PLEKHA6: variants seen among roughly 807,000 people sequenced by gnomAD.
The protein encoded by PLEKHA6 is pleckstrin homology domain containing A6, also known as pleckstrin homology domain-containing family A member 6.
Under a neutral mutation model 116.7 loss-of-function variants are expected in PLEKHA6, and 60 were observed. That is an observed-to-expected ratio of 0.51 (90% CI 0.42 to 0.64). The LOEUF (loss-of-function observed/expected upper bound fraction) is 0.64. Ranked by LOEUF, PLEKHA6 falls within the 30% of genes least tolerant of loss-of-function variation. PLEKHA6 has a pLI of 0.00. For synonymous variants in PLEKHA6, 489 were observed against 556.1 expected, an observed-to-expected ratio of 0.88 and a Z score of 1.70; for missense variants, 1,338 against 1,422.7, an observed-to-expected ratio of 0.94 and a Z score of 0.96.
rs1022517779 is a variant in PLEKHA6, at chr1:204,359,652, C to T, written c.-95+42G>A. On this transcript the variant is annotated intron_variant, in intron 1 of 22. Coordinates refer to ENST00000272203, the MANE Select transcript of PLEKHA6 (RefSeq NM_014935.5). ...CAGCCCTGACCAGAGCCCAGCCTTC[C>T]TCCTCCCACCTCATCTATGTGATGC... 6 of 984,646 alleles carry T rather than the reference C, an allele frequency of 6.1e-6. No individual in the cohort carries two copies. The African/African-American group carries it at 1.0e-4, about 17-fold the overall frequency. The allele number at this position is 984,646 out of a possible 1,614,324, so 61.0% of individuals were successfully genotyped here.
chr1:204,257,321 G>A lies in PLEKHA6; in HGVS notation c.1524+32C>T. Reference sequence around the variant, plus strand: ...TCTTAGGCTTCTGGGGACCTCAGGGGATGAGGAAGGAAGGGCAGGCTGGTG... The same window carrying A: ...TCTTAGGCTTCTGGGGACCTCAGGGAATGAGGAAGGAAGGGCAGGCTGGTG... On this transcript the variant is annotated intron_variant, in intron 9 of 22. Transcript: ENST00000272203. The surrounding 1 kb of genome is among the most constrained non-coding windows in gnomAD (Gnocchi z 6.5). The A allele has an allele frequency of 6.5e-7, 1 of 1,546,450 alleles. No individual in the cohort carries two copies. The highest frequency in any genetic ancestry group is 8.8e-7 in the Non-Finnish European group (1 of 1,141,736).
At chr1:204,296,969 T>C in intron 1 of PLEKHA6, 1 of 249,968 alleles carries the variant, frequency 4.0e-6, no homozygotes, top group Non-Finnish European at 6.4e-6. Flanking sequence ...TTATGCAATT[T>C]GACCTGAAGA....
chr1:204,320,017 T>C (rs1351261625), intron 1 of PLEKHA6, among the ~76,000 whole-genome samples: 1 of 152,134 alleles, frequency 6.6e-6, no homozygotes. Context: ...CCATCTGGGA[T>C]ATCACTAGAG....
intron 1 of PLEKHA6, among the ~76,000 whole-genome samples, chr1:204,345,101 C>T (rs1244471572): frequency 6.6e-6 from 1 of 152,136 alleles, no homozygotes; most frequent in Admixed American, 6.5e-5. Context: ...CATTTCAGAA[C>T]AACTTGTATT....
intron 1 of PLEKHA6, chr1:204,313,537 A>G: frequency 1.0e-6 from 1 of 982,270 alleles, no homozygotes; most frequent in Non-Finnish European, 1.2e-6. Context: ...TTACTATTGA[A>G]GAAAGAAGCT....
chr1:204,267,414 T>G (rs375690429), intron 5 of PLEKHA6, 61 bp downstream of exon 5: 190 of 1,427,174 alleles, frequency 1.3e-4, no homozygotes, highest in Non-Finnish European at 1.7e-4. Flanking sequence ...TATGGCAGAA[T>G]GAGAAAGAGT....
intron 9 of PLEKHA6, among the ~76,000 whole-genome samples, chr1:204,254,571 C>T (rs898293213): frequency 6.6e-6 from 1 of 152,104 alleles, no homozygotes; most frequent in South Asian, 2.1e-4. Context: ...TGTCCAAGCT[C>T]GGCTGTTCAC....
rs549428574 is a variant in PLEKHA6, at chr1:204,301,150, G to C, written c.-94-26341C>G. On this transcript the variant is annotated intron_variant, in intron 1 of 22. Transcript: ENST00000272203. ...CCACTTTACCATTCTAAAATCCATA[G>C]GCCCCAAAGATTTCAGATAATGAAG... The C allele has an allele frequency of 1.6e-4, 103 of 625,116 alleles. No individual in the cohort carries two copies. In the South Asian group the frequency reaches 6.4e-3, roughly 39 times the overall value. 38.7% of individuals were successfully genotyped at this position (625,116 alleles called of 1,614,324 possible).
chr1:204,357,224 T>C (rs563575928), intron 1 of PLEKHA6, among the ~76,000 whole-genome samples: 1 of 152,184 alleles, frequency 6.6e-6, no homozygotes, highest in East Asian at 1.9e-4. Flanking sequence ...TGTGAGGTAA[T>C]GAGCTCCCTG....
At chr1:204,328,286 T>C (rs1014918738) in intron 1 of PLEKHA6, among the ~76,000 whole-genome samples, 1 of 151,822 alleles carries the variant, frequency 6.6e-6, no homozygotes, top group African/African-American at 2.4e-5. Context: ...TTCTCTATGT[T>C]GGCCAGGCTG....
At chr1:204,317,315 G>T in intron 1 of PLEKHA6, 1 of 360,210 alleles carries the variant, frequency 2.8e-6, no homozygotes, top group Non-Finnish European at 3.9e-6. Context: ...ATTTGAGTCT[G>T]GGAAGAGATA....
In PLEKHA6 at chr1:204,219,584, T is replaced by C. The variant is rs1217659785; in HGVS notation, c.*3204A>G. Reference sequence around the variant, plus strand: ...TGGGCTCTGTTCATTCAGAGCAGGATGTTCTAGGCTGGCGACAGGGTGTCA... The same window carrying C: ...TGGGCTCTGTTCATTCAGAGCAGGACGTTCTAGGCTGGCGACAGGGTGTCA... On this transcript the variant is annotated 3_prime_UTR_variant, in exon 23 of 23. Coordinates refer to ENST00000272203, the MANE Select transcript of PLEKHA6 (RefSeq NM_014935.5). 6.6e-6 allele frequency: 1 copy of C among 152,096 alleles called. No individual in the cohort carries two copies. Among genetic ancestry groups the C allele is most frequent in the Non-Finnish European group, 1.5e-5 (1 of 68,016 alleles). 9.4% of individuals were successfully genotyped at this position (152,096 alleles called of 1,614,324 possible).
intron 2 of PLEKHA6, chr1:204,369,183 A>T (rs1392930861): frequency 6.6e-6 from 1 of 152,188 alleles, no homozygotes; most frequent in African/African-American, 2.4e-5. Flanking sequence ...CCTCTAAGCT[A>T]TGCACTTTGC....
At chr1:204,249,053 GT>G (rs1664179777) in intron 11 of PLEKHA6, 83 bp from the exon 12 acceptor site, 18 of 1,526,014 alleles carry the variant, frequency 1.2e-5, no homozygotes, top group Non-Finnish European at 1.5e-5. Flanking sequence ...GCCCTTAGAG[GT>G]TCAACAGGCA....
Position 204,241,390 on chromosome 1 carries a change from A to G in PLEKHA6, c.2394T>C (p.Asn798=), listed in dbSNP as rs749117297. 15 of 1,609,180 alleles carry G rather than the reference A, an allele frequency of 9.3e-6. No homozygotes were observed. The South Asian group carries it at 1.3e-4, about 14-fold the overall frequency. ...VVRRNASGLT[N]GLSSQERPKS... ...AGGTACCCACCTGGGAGGAGAGTCC[A>G]TTGGTGAGCCCACTGGCATTCCTTC... Residue 798 remains asparagine (N), a synonymous_variant, in exon 17 of 23, where the codon AAT becomes AAC. Coordinates refer to ENST00000272203, the MANE Select transcript of PLEKHA6 (RefSeq NM_014935.5).
In PLEKHA6 at chr1:204,319,431, A is replaced by C. The variant is rs537547983; in HGVS notation, c.-95+40263T>G. Among the ~76,000 whole-genome samples, 3 of 152,312 alleles carry C rather than the reference A, an allele frequency of 2.0e-5. No homozygotes were observed. The East Asian group carries it at 5.8e-4, about 29-fold the overall frequency. Reference sequence around the variant, plus strand: ...TACATTATTTTTTTAAAAACTGAGGAAATTGAGATCAAGAGACATTAAGAG... The same window carrying C: ...TACATTATTTTTTTAAAAACTGAGGCAATTGAGATCAAGAGACATTAAGAG... On this transcript the variant is annotated intron_variant, in intron 1 of 22. Transcript: ENST00000272203.
Position 204,244,878 on chromosome 1 carries a change from G to C in PLEKHA6, c.2158C>G (p.Pro720Ala), listed in dbSNP as rs780743921. 6.4e-6 allele frequency: 10 copies of C among 1,563,232 alleles called. No homozygotes were observed. Among genetic ancestry groups the C allele is most frequent in the Non-Finnish European group, 8.7e-6 (10 of 1,153,050 alleles). Residue 720 changes from proline (P) to alanine (A), a missense_variant, in exon 15 of 23, where the codon CCT becomes GCT. Pro to Ala is a conservative substitution (Grantham distance 27). Transcript: ENST00000272203. ...VSGSQGSPTK[P>A]GSNEPKANYE... ...TCTCAACTTACCTCGTTGGAGCCAGGCTTGGTGGGGGACCCCTGAGAGCCC... is the reference window on the plus strand; with the variant it reads ...TCTCAACTTACCTCGTTGGAGCCAGCCTTGGTGGGGGACCCCTGAGAGCCC...
chr1:204,234,003 T>C (rs1240325469), intron 17 of PLEKHA6, among the ~76,000 whole-genome samples: 1 of 152,162 alleles, frequency 6.6e-6, no homozygotes, highest in Non-Finnish European at 1.5e-5. Flanking sequence ...ACTGAAGTTG[T>C]TGAATAGTAC....
intron 1 of PLEKHA6, among the ~76,000 whole-genome samples, chr1:204,280,020 C>G (rs1364944040): frequency 6.6e-6 from 1 of 152,104 alleles, no homozygotes; most frequent in Non-Finnish European, 1.5e-5. Flanking sequence ...AATACTTAGT[C>G]CCAGGCTTAA....
Sources: allele counts gnomAD v4.1 joint callset (sites outside exome capture counted in the v4.1 genomes callset), GRCh38; gene constraint gnomAD v4.1.1; non-coding constraint Gnocchi (gnomAD v3.1); transcripts MANE v1.5; gene names NCBI Gene and HGNC (gene_info 2026-07-23, HGNC 2026-07-21).